The following UBE2D2 variants were observed in gnomAD, a reference collection of about 807,000 sequenced individuals.
The protein encoded by UBE2D2 is ubiquitin conjugating enzyme E2 D2.
Under a neutral mutation model 24.2 loss-of-function variants are expected in UBE2D2, and 2 were observed. The ratio of observed to expected loss-of-function variants is 0.08; its 90% CI spans 0.03 to 0.26. The LOEUF (loss-of-function observed/expected upper bound fraction) is 0.26, where lower values mean the gene tolerates loss of function less well. UBE2D2 is among the 10% of genes least tolerant of loss of function. UBE2D2 has a pLI of 1.00. For missense variants in UBE2D2, 44 were observed against 177.6 expected, an observed-to-expected ratio of 0.25 and a Z score of 4.28; for synonymous variants, 58 against 56.5, an observed-to-expected ratio of 1.03 and a Z score of -0.12.
intron 2 of UBE2D2, among the ~76,000 whole-genome samples, chr5:139,610,464 CGGGAGCCAGA>C (rs1754292293): frequency 6.6e-6 from 1 of 151,844 alleles, no homozygotes; most frequent in Non-Finnish European, 1.5e-5. Context: ...TTGCTGAACC[CGGGAGCCAGA>C]GGTTGCAGTG....
intron 1 of UBE2D2, among the ~76,000 whole-genome samples, chr5:139,587,689 A>C (rs1055440766): frequency 7.9e-5 from 12 of 151,300 alleles, no homozygotes; most frequent in African/African-American, 2.9e-4. Context: ...AAAAAAAAAA[A>C]AAAAACGGAC....
chr5:139,526,780 A>G (rs1752545821), intron 1 of UBE2D2, among the ~76,000 whole-genome samples: 2 of 151,698 alleles, frequency 1.3e-5, no homozygotes, highest in African/African-American at 2.4e-5. Flanking sequence ...GTGTGGCCTG[A>G]TCACCCACGG....
At chr5:139,590,334 C>T (rs1236973191) in intron 1 of UBE2D2, among the ~76,000 whole-genome samples, 3 of 151,064 alleles carry the variant, frequency 2.0e-5, no homozygotes, top group Non-Finnish European at 4.4e-5. Context: ...ACCTGGGAGG[C>T]GGCTGCAGGA....
At chr5:139,560,919 A>T (rs1042885220), upstream of UBE2D2, among the ~76,000 whole-genome samples, 4 of 152,180 alleles carry the variant, frequency 2.6e-5, no homozygotes, top group Non-Finnish European at 4.4e-5. Context: ...GCTAAGTCCC[A>T]GGACTTCAGA....
At chr5:139,543,562 G>A (rs1171842578) in intron 1 of UBE2D2, among the ~76,000 whole-genome samples, 5 of 152,228 alleles carry the variant, frequency 3.3e-5, no homozygotes, top group South Asian at 4.1e-4. Flanking sequence ...GCGACGACAC[G>A]GGGGACCGGA....
intron 2 of UBE2D2, among the ~76,000 whole-genome samples, chr5:139,602,578 T>C (rs1163004078): frequency 2.0e-5 from 3 of 151,968 alleles, no homozygotes; most frequent in Non-Finnish European, 2.9e-5. Flanking sequence ...CTCAGGAGTT[T>C]AAGGTGGGAG....
intron 5 of UBE2D2, among the ~76,000 whole-genome samples, chr5:139,619,592 G>A (rs561287380): frequency 8.9e-4 from 136 of 152,126 alleles, no homozygotes; most frequent in African/African-American, 3.2e-3. Context: ...TGCCAGGTGC[G>A]GTGGCTCACT....
chr5:139,541,113 C>T (rs1752755295), intron 1 of UBE2D2, among the ~76,000 whole-genome samples: 1 of 151,856 alleles, frequency 6.6e-6, no homozygotes, highest in South Asian at 2.1e-4. Context: ...GCCTGGCCAA[C>T]ATGGTGAAAC....
chr5:139,576,943 CT>C (rs11418234), intron 1 of UBE2D2, among the ~76,000 whole-genome samples: 168 of 91,734 alleles, frequency 1.8e-3, no homozygotes, highest in African/African-American at 2.4e-3. Flanking sequence ...TGGATCTGGC[CT>C]TTTTTTTTTT....
intron 1 of UBE2D2, among the ~76,000 whole-genome samples, chr5:139,571,240 C>T (rs1260020133): frequency 6.6e-6 from 1 of 151,912 alleles, no homozygotes; most frequent in East Asian, 1.9e-4. Flanking sequence ...AACCCCATCT[C>T]TACTAAAAAT....
intron 1 of UBE2D2, among the ~76,000 whole-genome samples, chr5:139,549,665 C>A (rs897759582): frequency 6.6e-6 from 1 of 152,224 alleles, no homozygotes; most frequent in South Asian, 2.1e-4. Context: ...GACTCCCCGA[C>A]GGGGCGCCAC....
In UBE2D2 at chr5:139,624,730, GA is replaced by G. The variant is rs371724054; in HGVS notation, c.398+1272del. ...CAGGACGTTTAGGTTGCGGTGAGCT[GA>G]AATTGCACCACTGCACTTCAGCCTG... On this transcript the variant is annotated intron_variant, in intron 6 of 6. Coordinates refer to ENST00000398733, the MANE Select transcript of UBE2D2 (RefSeq NM_003339.3). 7.7e-3 allele frequency among the ~76,000 whole-genome samples: 1,176 copies of G among 152,346 alleles called. 8 individuals are homozygous for G. Among genetic ancestry groups the G allele is most frequent in the Middle Eastern group, 0.041 (12 of 294 alleles).
chr5:139,597,589 G>A (rs1351867449), intron 1 of UBE2D2, among the ~76,000 whole-genome samples: 2 of 152,202 alleles, frequency 1.3e-5, no homozygotes, highest in Non-Finnish European at 2.9e-5. Flanking sequence ...AGATTAAAGC[G>A]AAATCAAAAG....
In UBE2D2 at chr5:139,623,390, G is replaced by C. The variant is rs917299411; in HGVS notation, c.327G>C (p.Leu109=). ...TAGTACTCTTGTCCATCTGTTCTCT[G>C]TTGTGTGATCCCAATCCAGATGATC... is the stretch of plus-strand genomic sequence containing the variant. ...ISKVLLSICS[L]LCDPNPDDPL... is the part of the protein sequence containing the mutation. The change falls in exon 6 of 7, where the codon CTG becomes CTC. Residue 109 remains leucine, a synonymous_variant. Coordinates refer to ENST00000398733, the MANE Select transcript of UBE2D2 (RefSeq NM_003339.3). 1 of 1,603,408 alleles carries C rather than the reference G, an allele frequency of 6.2e-7. No homozygotes were observed. The highest frequency in any genetic ancestry group is 1.3e-5 in the African/African-American group (1 of 74,840).
intron 1 of UBE2D2, among the ~76,000 whole-genome samples, chr5:139,598,958 C>T (rs530750818): frequency 2.3e-5 from 2 of 88,600 alleles, no homozygotes; most frequent in South Asian, 4.2e-4. Context: ...GACAAAGTCT[C>T]GTTCTGTTGT....
chr5:139,592,672 G>A (rs966646263), intron 1 of UBE2D2, among the ~76,000 whole-genome samples: 4 of 147,816 alleles, frequency 2.7e-5, no homozygotes, highest in African/African-American at 7.5e-5. Context: ...GCACGACCTC[G>A]GCTCACTGCA....
At chr5:139,590,428 C>G (rs1753817973) in intron 1 of UBE2D2, among the ~76,000 whole-genome samples, 1 of 147,466 alleles carries the variant, frequency 6.8e-6, no homozygotes, top group Non-Finnish European at 1.5e-5. Flanking sequence ...GAGCAAGACT[C>G]TGTCTCAAAA....
chr5:139,601,234 G>C (rs1207088641), intron 2 of UBE2D2, among the ~76,000 whole-genome samples: 1 of 152,038 alleles, frequency 6.6e-6, no homozygotes, highest in African/African-American at 2.4e-5. Context: ...TTCCCATATA[G>C]TGTCTTTTAA....
At chr5:139,542,174 G>A (rs773028468) in intron 1 of UBE2D2, among the ~76,000 whole-genome samples, 12 of 152,122 alleles carry the variant, frequency 7.9e-5, no homozygotes, top group Admixed American at 2.0e-4. Context: ...GCGACAGAGC[G>A]AGACTCCATC....
Sources: allele counts gnomAD v4.1 joint callset (sites outside exome capture counted in the v4.1 genomes callset), GRCh38; gene constraint gnomAD v4.1.1; transcripts MANE v1.5; gene names NCBI Gene and HGNC (gene_info 2026-07-23, HGNC 2026-07-21).